The following ZNF536 variants were observed in gnomAD, a reference collection of about 807,000 sequenced individuals.
ZNF536 encodes the protein zinc finger protein 536.
A neutral mutation model predicts 84.5 loss-of-function variants in ZNF536; 13 were observed. That is an observed-to-expected ratio of 0.15 (90% CI 0.10 to 0.24). The LOEUF (loss-of-function observed/expected upper bound fraction) is 0.24, where lower values mean the gene tolerates loss of function less well. Among genes scored for constraint, ZNF536 ranks in the 10% least tolerant of loss-of-function variants. The pLI is 1.00. For synonymous variants in ZNF536, 811 were observed against 742.5 expected (o/e 1.09, Z -1.50); for missense variants, 1,536 against 1,747.5 (o/e 0.88, Z 2.16).
intron 1 of ZNF536, among the ~76,000 whole-genome samples, chr19:30,679,530 C>G (rs1223996217): frequency 1.3e-5 from 2 of 152,166 alleles, no homozygotes; most frequent in East Asian, 3.9e-4. Flanking sequence ...CTGTCCCCTC[C>G]CCTCCACGAA....
chr19:30,396,587 T>G (rs2049826654), intron 1 of ZNF536, among the ~76,000 whole-genome samples: 1 of 86,602 alleles, frequency 1.2e-5, no homozygotes, highest in Admixed American at 1.8e-4. Flanking sequence ...ATGAGAGGGC[T>G]CTCTCTTTTT....
intron 1 of ZNF536, among the ~76,000 whole-genome samples, chr19:30,375,854 T>C (rs1327015690): frequency 6.6e-6 from 1 of 151,952 alleles, no homozygotes; most frequent in Non-Finnish European, 1.5e-5. Flanking sequence ...CTTGTATGCG[T>C]GTGTGTGTGT....
intron 1 of ZNF536, among the ~76,000 whole-genome samples, chr19:30,414,093 C>CAAAAAAA (rs55650802): frequency 2.4e-5 from 2 of 82,910 alleles, no homozygotes; most frequent in Non-Finnish European, 4.3e-5. Context: ...GACTCTGTCT[C>CAAAAAAA]AAAAAAAAAA....
chr19:30,588,315 T>C (rs543296220), intron 1 of ZNF536, among the ~76,000 whole-genome samples: 1 of 152,326 alleles, frequency 6.6e-6, no homozygotes, highest in African/African-American at 2.4e-5. Flanking sequence ...TTTAGATACA[T>C]ATGTGGTCAT....
intron 1 of ZNF536, among the ~76,000 whole-genome samples, chr19:30,420,384 G>A (rs995034367): frequency 6.6e-6 from 1 of 152,026 alleles, no homozygotes; most frequent in Admixed American, 6.6e-5. Context: ...CATTCTTTCC[G>A]GAAAGCTCCT....
At chr19:30,421,686 AC>A (rs2050965834) in intron 1 of ZNF536, among the ~76,000 whole-genome samples, 1 of 151,990 alleles carries the variant, frequency 6.6e-6, no homozygotes, top group Admixed American at 6.6e-5. Context: ...AGATACGGAG[AC>A]CCCCGTGTAA....
intron 1 of ZNF536, among the ~76,000 whole-genome samples, chr19:30,670,640 G>A (rs1036794294): frequency 6.6e-6 from 1 of 152,210 alleles, no homozygotes; most frequent in Admixed American, 6.5e-5. Context: ...GGTTTTGTTG[G>A]GGGAGGCATT....
In ZNF536 at chr19:30,253,497, C is replaced by T. The variant is rs540127918; in HGVS notation, c.-190+24824C>T. On this transcript the variant is annotated intron_variant, in intron 1 of 5. Transcript: ENST00000585628. The stretch of plus-strand genomic sequence containing the variant: ...CATCAGGGCTGTGTTGAGAGCAGCC[C>T]CTGTGCTGCCCAACAACGCACAGCT... Among the ~76,000 whole-genome samples, 9 of 152,316 alleles carry T rather than the reference C, an allele frequency of 5.9e-5. No individual in the cohort carries two copies. The East Asian group carries it at 1.5e-3, about 26-fold the overall frequency.
At chr19:30,594,391 G>A (rs769897425) in intron 1 of ZNF536, among the ~76,000 whole-genome samples, 3 of 152,132 alleles carry the variant, frequency 2.0e-5, no homozygotes, top group Non-Finnish European at 2.9e-5. Context: ...GGGACCCTGG[G>A]AGTCAGGCCA....
intron 2 of ZNF536, among the ~76,000 whole-genome samples, chr19:30,317,405 CA>C (rs1193610903): frequency 6.6e-6 from 1 of 152,226 alleles, no homozygotes; most frequent in Non-Finnish European, 1.5e-5. Flanking sequence ...AGGGCAGACA[CA>C]TGGTAGGTGA....
chr19:30,410,568 G>A (rs1402679191), intron 1 of ZNF536, among the ~76,000 whole-genome samples: 6 of 139,314 alleles, frequency 4.3e-5, no homozygotes, highest in Non-Finnish European at 6.0e-5. Flanking sequence ...TCCGCCTCCC[G>A]GGTTCACGCC....
chr19:30,372,901 C>G (rs2048665528), intron 1 of ZNF536, among the ~76,000 whole-genome samples: 1 of 137,456 alleles, frequency 7.3e-6, no homozygotes, highest in Non-Finnish European at 1.6e-5. Flanking sequence ...CCAAACAAAA[C>G]AACCCACCTG....
chr19:30,649,442 G>A (rs565694778), intron 1 of ZNF536, among the ~76,000 whole-genome samples: 1 of 151,824 alleles, frequency 6.6e-6, no homozygotes, highest in East Asian at 1.9e-4. Flanking sequence ...GTTTTTAGCA[G>A]GAAGAAAAAA....
intron 2 of ZNF536, among the ~76,000 whole-genome samples, chr19:30,502,020 A>G (rs1234151757): frequency 1.3e-5 from 2 of 152,196 alleles, no homozygotes; most frequent in Non-Finnish European, 2.9e-5. Flanking sequence ...GGTGAGGGAA[A>G]GCAAATTCTA....
chr19:30,517,013 G>A (rs570387063), intron 2 of ZNF536, among the ~76,000 whole-genome samples: 40 of 152,224 alleles, frequency 2.6e-4, no homozygotes, highest in African/African-American at 8.9e-4. Flanking sequence ...GTCCTGGGAC[G>A]TGATCTTTAC....
At chr19:30,351,304 G>C (rs950003322) in intron 2 of ZNF536, among the ~76,000 whole-genome samples, 1 of 152,146 alleles carries the variant, frequency 6.6e-6, no homozygotes, top group African/African-American at 2.4e-5. Context: ...AGAATCCTTG[G>C]AACCCTGTCA....
chr19:30,261,420 G>C (rs116464510), intron 1 of ZNF536, among the ~76,000 whole-genome samples: 2,258 of 151,922 alleles, frequency 0.015, 51 homozygotes, highest in African/African-American at 0.052. Context: ...GAGTAGGTGC[G>C]GTGGCTCATG....
At chr19:30,492,987 G>T (rs751805387) in intron 2 of ZNF536, among the ~76,000 whole-genome samples, 6 of 151,184 alleles carry the variant, frequency 4.0e-5, no homozygotes, top group Non-Finnish European at 7.4e-5. Context: ...AGCAGCTTTG[G>T]TTAAAATAGC....
intron 3 of ZNF536, among the ~76,000 whole-genome samples, chr19:30,540,326 T>G (rs183597681): frequency 2.6e-5 from 4 of 152,258 alleles, no homozygotes; most frequent in African/African-American, 9.6e-5. Context: ...CCCAAAGGGC[T>G]GCACACCCAG....
Sources: gnomAD v4.1 joint callset for allele counts (sites outside exome capture counted in the v4.1 genomes callset) on GRCh38, gnomAD v4.1.1 for gene constraint, MANE v1.5 for transcripts, NCBI Gene and HGNC (gene_info 2026-07-23, HGNC 2026-07-21) for gene names.